The following COL11A1 variants were observed in gnomAD, a reference collection of about 807,000 sequenced individuals.
The protein encoded by COL11A1 is collagen type XI alpha 1 chain, also known as collagen alpha-1(XI) chain.
COL11A1 carries 74 observed loss-of-function variants against 265.2 expected under a neutral mutation model. The ratio of observed to expected loss-of-function variants is 0.28; its 90% CI spans 0.23 to 0.34. The LOEUF is 0.34. COL11A1 is among the 10% of genes least tolerant of loss of function. The pLI, the probability that COL11A1 is intolerant of heterozygous loss-of-function variation, is 1.00. For missense variants in COL11A1, 2,165 were observed against 2,263.6 expected (o/e 0.96, Z 0.88); for synonymous variants, 816 against 727.6 (o/e 1.12, Z -1.96).
intron 4 of COL11A1, among the ~76,000 whole-genome samples, chr1:103,053,662 T>A (rs748964542): frequency 4.6e-5 from 7 of 152,156 alleles, no homozygotes; most frequent in Non-Finnish European, 1.0e-4. Context: ...AAGAATTACA[T>A]CAAAGTTGTG....
At chr1:103,067,216 A>G (rs1671228278) in intron 4 of COL11A1, among the ~76,000 whole-genome samples, 1 of 151,990 alleles carries the variant, frequency 6.6e-6, no homozygotes, top group Non-Finnish European at 1.5e-5. Flanking sequence ...GCATTATTAC[A>G]TTAACTGAGA....
At chr1:102,886,281 G>C (rs766964689) in intron 63 of COL11A1, among the ~76,000 whole-genome samples, 1 of 152,100 alleles carries the variant, frequency 6.6e-6, no homozygotes, top group Non-Finnish European at 1.5e-5. Flanking sequence ...ATTCACAGCT[G>C]TTTGGAATAT....
rs1337183 is a variant in COL11A1, at chr1:103,083,267, C to T, written c.107-295G>A. 0.78 allele frequency among the ~76,000 whole-genome samples: 112,046 copies of T among 144,274 alleles called. 42,137 individuals carry two copies. The highest frequency in any genetic ancestry group is 0.99 in the East Asian group (5,053 of 5,114). The allele number at this position is 144,274 out of a possible 152,430, so 94.6% of individuals were successfully genotyped here. A position where few individuals can be genotyped will look rare whatever the true frequency, so the allele number is the denominator to read the frequency against. On this transcript the variant is annotated intron_variant, in intron 1 of 66. Transcript: ENST00000370096. The stretch of plus-strand genomic sequence containing the variant: ...CTGTGTCTGTGTGTGTGTGTGTGTG[C>T]GTGTGTGTGTACATAGGCATATGTG...
chr1:103,022,657 C>T (rs960451869), intron 8 of COL11A1, 85 bp downstream of exon 8: 4 of 1,551,708 alleles, frequency 2.6e-6, no homozygotes, highest in South Asian at 2.2e-5. Flanking sequence ...GCATTTTAAA[C>T]CTGAAAAGAC....
At position 103,078,755 on chromosome 1, in the gene COL11A1, C is replaced by A. The variant is rs1158320165; in HGVS notation, c.391G>T (p.Val131Phe). Residue 131 changes from valine (V) to phenylalanine (F), a missense_variant, in exon 3 of 67, where the codon GTT becomes TTT. Coordinates refer to ENST00000370096, the MANE Select transcript of COL11A1 (RefSeq NM_001854.4). ...EHGIQQIGVEVGRSPVFLFED... is the reference protein window; with the variant it reads ...EHGIQQIGVEFGRSPVFLFED... The stretch of plus-strand genomic sequence containing the variant: ...AACAGAAAAACAGGTGATCTCCCAA[C>A]CTCAACACCAATTTGCTGAATACCA... 6.2e-7 allele frequency: 1 copy of A among 1,613,408 alleles called. No individual in the cohort carries two copies. The highest frequency in any genetic ancestry group is 8.5e-7 in the Non-Finnish European group (1 of 1,179,616).
chr1:102,929,995 A>G (rs1358495239), intron 46 of COL11A1, among the ~76,000 whole-genome samples: 1 of 152,148 alleles, frequency 6.6e-6, no homozygotes, highest in Non-Finnish European at 1.5e-5. Flanking sequence ...TTTTGGGCTG[A>G]GACAATGGGG....
At chr1:102,890,383 T>C (rs910189776) in intron 58 of COL11A1, 68 bp downstream of exon 58, 10 of 1,363,312 alleles carry the variant, frequency 7.3e-6, no homozygotes, top group Non-Finnish European at 9.0e-6. Flanking sequence ...GATTTTAATC[T>C]GCAAAAGCAG....
chr1:103,090,146 T>TAATAA lies in COL11A1; in HGVS notation c.107-7179_107-7175dup, dbSNP rs762929427. Among the ~76,000 whole-genome samples the TAATAA allele has an allele frequency of 1.8e-4, 28 of 151,418 alleles. No homozygotes were observed. In the South Asian group the frequency reaches 4.2e-3, roughly 22 times the overall value. On this transcript the variant is annotated intron_variant, in intron 1 of 66. Coordinates refer to ENST00000370096, the MANE Select transcript of COL11A1 (RefSeq NM_001854.4). ...CAAAATAAATAAATAAATAAATAAATAATAAAATAAAATAAAATAAGTAAC... is the reference window on the plus strand; with the variant it reads ...CAAAATAAATAAATAAATAAATAAATAATAAAATAAAATAAAATAAAATAAGTAAC...
At chr1:103,029,842 A>G (rs1667834023) in intron 5 of COL11A1, among the ~76,000 whole-genome samples, 1 of 152,086 alleles carries the variant, frequency 6.6e-6, no homozygotes, top group South Asian at 2.1e-4. Flanking sequence ...TAATAGCATT[A>G]CAACATGGGA....
At chr1:103,015,088 G>C (rs1474927228) in intron 12 of COL11A1, among the ~76,000 whole-genome samples, 1 of 151,888 alleles carries the variant, frequency 6.6e-6, no homozygotes, top group African/African-American at 2.4e-5. Flanking sequence ...CAGATCTTCT[G>C]TAATATTCCT....
At chr1:103,071,574 G>T (rs1671592813) in intron 4 of COL11A1, among the ~76,000 whole-genome samples, 1 of 148,868 alleles carries the variant, frequency 6.7e-6, no homozygotes, top group Non-Finnish European at 1.5e-5. Context: ...CTGTCTAGAG[G>T]GGACAAATGT....
At chr1:102,935,759 G>A (rs1658072438) in intron 44 of COL11A1, among the ~76,000 whole-genome samples, 1 of 152,144 alleles carries the variant, frequency 6.6e-6, no homozygotes, top group Non-Finnish European at 1.5e-5. Context: ...AAATAAAACT[G>A]TCATTGAACT....
At chr1:102,882,427 G>A (rs1207347671) in intron 64 of COL11A1, among the ~76,000 whole-genome samples, 4 of 152,142 alleles carry the variant, frequency 2.6e-5, no homozygotes, top group Non-Finnish European at 4.4e-5. Flanking sequence ...TACATGCCAA[G>A]TAGTGTTGGA....
intron 48 of COL11A1, among the ~76,000 whole-genome samples, chr1:102,920,830 A>G (rs896550884): frequency 5.9e-5 from 9 of 152,142 alleles, no homozygotes; most frequent in African/African-American, 2.2e-4. Context: ...GTCTATTTTT[A>G]CTCAGTTCTG....
At chr1:102,944,280 G>T (rs905289005) in intron 42 of COL11A1, among the ~76,000 whole-genome samples, 2 of 152,106 alleles carry the variant, frequency 1.3e-5, no homozygotes, top group African/African-American at 4.8e-5. Flanking sequence ...ATTTTCATCA[G>T]TTTTTATTAA....
intron 42 of COL11A1, among the ~76,000 whole-genome samples, chr1:102,943,865 A>T (rs561817652): frequency 2.8e-4 from 42 of 152,280 alleles, no homozygotes; most frequent in African/African-American, 9.1e-4. Flanking sequence ...GCATAGTTAA[A>T]ATCACTTCTT....
Position 102,886,823 on chromosome 1 carries a change from A to C in COL11A1, c.4842T>G (p.His1614Gln). The stretch of plus-strand genomic sequence containing the variant: ...TTTACATACCATCTGGGAAGTCAGG[A>C]TGGCTGAGTTGCAGGTCTTTACAAG... ...ARTCKDLQLS[H>Q]PDFPDGEYWI... The change falls in exon 63 of 67, where the codon CAT becomes CAG. Residue 1614 changes from histidine to glutamine, a missense_variant. Transcript: ENST00000370096. 2 of 1,613,876 alleles carry C rather than the reference A, an allele frequency of 1.2e-6. No homozygotes were observed. Among genetic ancestry groups the C allele is most frequent in the Non-Finnish European group, 1.7e-6 (2 of 1,179,814 alleles).
At chr1:102,908,480 T>G (rs1412096720) in intron 54 of COL11A1, among the ~76,000 whole-genome samples, 2 of 152,128 alleles carry the variant, frequency 1.3e-5, no homozygotes, top group African/African-American at 4.8e-5. Context: ...TCAAATAATT[T>G]TTGGTAAAAT....
At position 103,021,775 on chromosome 1, in the gene COL11A1, G is replaced by A. The variant is rs199855455; in HGVS notation, c.1246-6C>T. ...TATGCACCATGGCCATTTATCTGTT[G>A]AATGAAATATTCAAAACAGCCTAAA... On this transcript the variant is annotated splice_polypyrimidine_tract_variant and splice_region_variant and intron_variant, in intron 8 of 66. Transcript: ENST00000370096. 47 of 1,598,840 alleles carry A rather than the reference G, an allele frequency of 2.9e-5. No individual in the cohort carries two copies. The African/African-American group carries it at 5.8e-4, about 20-fold the overall frequency.
Sources: gnomAD v4.1 joint callset for allele counts (sites outside exome capture counted in the v4.1 genomes callset) on GRCh38, gnomAD v4.1.1 for gene constraint, MANE v1.5 for transcripts, NCBI Gene and HGNC (gene_info 2026-07-23, HGNC 2026-07-21) for gene names.